Variants in LGI1 observed in about 807,000 individuals in gnomAD.
The protein encoded by LGI1 is leucine-rich glioma-inactivated protein 1.
Under a neutral mutation model 57.7 loss-of-function variants are expected in LGI1, and 11 were observed. The observed-to-expected ratio is 0.19, with a 90% CI of 0.12 to 0.32. LGI1 has a LOEUF of 0.32. LGI1 is among the 10% of genes least tolerant of loss of function. LGI1 has a pLI of 1.00. For missense variants in LGI1, 422 were observed against 661.9 expected (o/e 0.64, Z 3.98); for synonymous variants, 222 against 241.9 (o/e 0.92, Z 0.76).
At chr10:93,764,902 G>GTTCTAC (rs1203083703) in intron 2 of LGI1, 1 of 152,086 alleles carries the variant, frequency 6.6e-6, no homozygotes, top group Non-Finnish European at 1.5e-5. Flanking sequence ...ACATTTTGTG[G>GTTCTAC]TTCTACACAC....
intron 4 of LGI1, among the ~76,000 whole-genome samples, chr10:93,784,507 C>A (rs2059879878): frequency 6.6e-6 from 1 of 152,184 alleles, no homozygotes; most frequent in African/African-American, 2.4e-5. Context: ...CCACGTCACC[C>A]CTGTACTCTG....
At chr10:93,762,712 T>C (rs993376031) in intron 2 of LGI1, 2 of 152,122 alleles carry the variant, frequency 1.3e-5, no homozygotes, top group South Asian at 2.1e-4. Context: ...TGCCCAATGA[T>C]CCATAGATCT....
chr10:93,777,336 T>A (rs1302150906), intron 2 of LGI1, 43 bp from the exon 3 acceptor site: 2 of 1,555,472 alleles, frequency 1.3e-6, no homozygotes, highest in African/African-American at 2.7e-5. Context: ...AGATTGACAA[T>A]CTGTCAGTTT....
At chr10:93,786,779 A>G (rs929822735) in intron 4 of LGI1, among the ~76,000 whole-genome samples, 38 of 152,296 alleles carry the variant, frequency 2.5e-4, no homozygotes, top group Non-Finnish European at 4.7e-4. Context: ...TTTTTCGCAG[A>G]CAGAGGATTT....
At position 93,777,593 on chromosome 10, in the gene LGI1, G is replaced by A. The variant is rs767254591; in HGVS notation, c.407G>A (p.Arg136Gln). 6 of 1,612,876 alleles carry A rather than the reference G, an allele frequency of 3.7e-6. No homozygotes were observed. The highest frequency in any genetic ancestry group is 5.1e-6 in the Non-Finnish European group (6 of 1,179,094). ...AAGTCAATTTCAAGACATACTTTCC[G>A]GGGACTAAAGTCATTAATTCACTTG... is the stretch of plus-strand genomic sequence containing the variant. ...NIKSISRHTF[R>Q]GLKSLIHLSL... is the part of the protein sequence containing the mutation. Residue 136 changes from arginine (R) to glutamine (Q), a missense_variant, in exon 4 of 8, where the codon CGG becomes CAG. Physicochemically the swap from Arg to Gln is conservative, Grantham distance 43 (BLOSUM62 1). Transcript: ENST00000371418.
chr10:93,780,514 G>A (rs1436499419), intron 4 of LGI1, among the ~76,000 whole-genome samples: 2 of 152,250 alleles, frequency 1.3e-5, no homozygotes, highest in South Asian at 2.1e-4. Context: ...CCTCTAACCT[G>A]CATGCATTGC....
At position 93,792,939 on chromosome 10, in the gene LGI1, C is replaced by CA. The variant is rs762772314; in HGVS notation, c.673+33dup. 2.5e-6 allele frequency: 4 copies of CA among 1,605,020 alleles called. No individual in the cohort carries two copies. In the East Asian group the frequency reaches 8.9e-5, roughly 36 times the overall value. On this transcript the variant is annotated intron_variant, in intron 6 of 7. Transcript: ENST00000371418. Reference sequence around the variant, plus strand: ...TAATGTACTCATCATCATTCCACCTCAAAAAATTAAAATAAGGGCTACCTT... The same window carrying CA: ...TAATGTACTCATCATCATTCCACCTCAAAAAAATTAAAATAAGGGCTACCTT...
intron 7 of LGI1, among the ~76,000 whole-genome samples, chr10:93,794,373 T>C (rs1033317237): frequency 2.1e-4 from 31 of 146,504 alleles, no homozygotes; most frequent in African/African-American, 7.0e-4. Context: ...TTTTTTTTTT[T>C]TTTTTTTTGA....
At chr10:93,795,926 A>G (rs1389838586) in intron 7 of LGI1, among the ~76,000 whole-genome samples, 1 of 152,240 alleles carries the variant, frequency 6.6e-6, no homozygotes, top group African/African-American at 2.4e-5. Flanking sequence ...CAATTAGTAG[A>G]AAGAATTAAT....
intron 7 of LGI1, 27 bp from the exon 8 acceptor site, chr10:93,796,941 A>G (rs760466529): frequency 9.5e-6 from 15 of 1,571,582 alleles, no homozygotes; most frequent in Non-Finnish European, 1.2e-5. Flanking sequence ...TGGCCACACA[A>G]CTAATCTCTC....
At chr10:93,789,427 A>G (rs1375026978) in intron 4 of LGI1, 1 of 152,830 alleles carries the variant, frequency 6.5e-6, no homozygotes. Flanking sequence ...AGCCCAGGCA[A>G]GAGGAGGGGG....
At chr10:93,761,110 C>A (rs144407008) in intron 2 of LGI1, among the ~76,000 whole-genome samples, 1 of 152,120 alleles carries the variant, frequency 6.6e-6, no homozygotes, top group Admixed American at 6.5e-5. Flanking sequence ...TATGAGAAGG[C>A]TCTGAATATG....
rs746896164 is a variant in LGI1, at chr10:93,758,348, T to C, written c.204T>C (p.Asp68=). 6.2e-7 allele frequency: 1 copy of C among 1,614,066 alleles called. No homozygotes were observed. Among genetic ancestry groups the C allele is most frequent in the Non-Finnish European group, 8.5e-7 (1 of 1,179,936 alleles). ...CCATTCCACGCACCGTTCCTCCTGA[T>C]GTTATCTCATTGTAAGGCCCGTAAG... is the stretch of plus-strand genomic sequence containing the variant. The part of the protein sequence containing the change: ...ARSIPRTVPP[D]VISLSFVRSG... The change falls in exon 1 of 8, where the codon GAT becomes GAC. Residue 68 remains aspartate, a synonymous_variant. Transcript: ENST00000371418. This position sits in a 1 kb window ranked among gnomAD's most constrained non-coding sequence, Gnocchi z 4.7.
chr10:93,781,818 G>C (rs73314743), intron 4 of LGI1, among the ~76,000 whole-genome samples: 5,969 of 152,254 alleles, frequency 0.039, 141 homozygotes, highest in African/African-American at 0.082. Context: ...AAGTGTCACT[G>C]TGGCTAAGGC....
At chr10:93,788,435 G>C (rs1202428321) in intron 4 of LGI1, 2 of 152,140 alleles carry the variant, frequency 1.3e-5, no homozygotes, top group Non-Finnish European at 2.9e-5. Context: ...CACCATCCTT[G>C]ATTATCTCAT....
chr10:93,783,411 T>C lies in LGI1; in HGVS notation c.431+5794T>C, dbSNP rs146064574. On this transcript the variant is annotated intron_variant, in intron 4 of 7. Transcript: ENST00000371418. ...ATAAGTAAATAAATAAATAAAAGAATGTTTCTTAGGTGAACTTTGAACCAG... is the reference window on the plus strand; with the variant it reads ...ATAAGTAAATAAATAAATAAAAGAACGTTTCTTAGGTGAACTTTGAACCAG... Among the ~76,000 whole-genome samples, 1,003 of 152,196 alleles carry C rather than the reference T, an allele frequency of 6.6e-3. 13 individuals are homozygous for C. The highest frequency in any genetic ancestry group is 0.023 in the African/African-American group (942 of 41,566).
At chr10:93,779,585 T>C (rs1207298379) in intron 4 of LGI1, among the ~76,000 whole-genome samples, 1 of 152,028 alleles carries the variant, frequency 6.6e-6, no homozygotes, top group African/African-American at 2.4e-5. Context: ...AAAAGTCTGT[T>C]TGACATCCTA....
At chr10:93,782,701 A>C (rs1391921655) in intron 4 of LGI1, 3 of 152,186 alleles carry the variant, frequency 2.0e-5, no homozygotes, top group Non-Finnish European at 4.4e-5. Context: ...CCCTTTAAAC[A>C]CTTTCTATGA....
At chr10:93,787,579 G>A (rs1296408396) in intron 4 of LGI1, among the ~76,000 whole-genome samples, 1 of 152,082 alleles carries the variant, frequency 6.6e-6, no homozygotes, top group Non-Finnish European at 1.5e-5. Context: ...CTACTCCTTT[G>A]GGCAGGAAGT....
Sources: gnomAD v4.1 joint callset for allele counts (sites outside exome capture counted in the v4.1 genomes callset) on GRCh38, gnomAD v4.1.1 for gene constraint, Gnocchi (gnomAD v3.1) non-coding constraint, MANE v1.5 for transcripts, NCBI Gene and HGNC (gene_info 2026-07-23, HGNC 2026-07-21) for gene names.